The following SCRN3 variants were observed in gnomAD, a reference collection of about 807,000 sequenced individuals.
SCRN3 encodes the protein secernin-3.
SCRN3 carries 39 observed loss-of-function variants against 43.1 expected under a neutral mutation model. The ratio of observed to expected loss-of-function variants is 0.91; its 90% CI spans 0.70 to 1.18. The LOEUF is 1.18. Among genes scored for constraint, SCRN3 ranks in the 50% most tolerant of loss-of-function variants. The pLI, the probability that SCRN3 is intolerant of heterozygous loss-of-function variation, is 0.00. For synonymous variants in SCRN3, 147 were observed against 163.1 expected, an observed-to-expected ratio of 0.90 and a Z score of 0.75; for missense variants, 484 against 498.0, an observed-to-expected ratio of 0.97 and a Z score of 0.27.
chr2:174,419,608 T>G lies in SCRN3; in HGVS notation c.755-3277T>G, dbSNP rs555391673. 4.1e-4 allele frequency among the ~76,000 whole-genome samples: 59 copies of G among 144,340 alleles called. 1 individual carries two copies. Among genetic ancestry groups the G allele is most frequent in the Non-Finnish European group, 8.1e-4 (51 of 63,342 alleles). The allele number at this position is 144,340 out of a possible 152,430, so 94.7% of individuals were successfully genotyped here. On this transcript the variant is annotated intron_variant, in intron 5 of 7. Coordinates refer to ENST00000272732, the MANE Select transcript of SCRN3 (RefSeq NM_024583.5). ...GTTGCCCAGGCTGGTCTCAAACTCC[T>G]GGGCTCACAGTATCAAGTGATACTC... is the stretch of plus-strand genomic sequence containing the variant.
chr2:174,404,079 T>C, intron 4 of SCRN3, 24 bp from the exon 5 acceptor site: 1 of 1,568,364 alleles, frequency 6.4e-7, no homozygotes, highest in Non-Finnish European at 8.8e-7. Context: ...TCTTCTCCTT[T>C]CTCCTCTTCT....
intron 7 of SCRN3, among the ~76,000 whole-genome samples, chr2:174,425,581 T>C (rs993166148): frequency 1.3e-5 from 2 of 152,228 alleles, no homozygotes; most frequent in African/African-American, 4.8e-5. Flanking sequence ...GCATTGTTTC[T>C]ATGCCTTTTT....
chr2:174,405,432 C>CT (rs1310689803), intron 5 of SCRN3, among the ~76,000 whole-genome samples: 69 of 102,458 alleles, frequency 6.7e-4, no homozygotes, highest in African/African-American at 2.4e-3. Context: ...ATGGTAGTTT[C>CT]TTTTGCTGTG....
rs1003740943 is a variant in SCRN3 at position 174,405,558 on chromosome 2, C to T, written c.754+1243C>T. The stretch of plus-strand genomic sequence containing the variant: ...ATGCCTATGTCCTGAATGGTAATGC[C>T]TAGGTTTTCTTCTAGGGTTTTTATG... On this transcript the variant is annotated intron_variant, in intron 5 of 7. Transcript: ENST00000272732. 9.5e-5 allele frequency among the ~76,000 whole-genome samples: 13 copies of T among 137,366 alleles called. 2 individuals are homozygous for T. Among genetic ancestry groups the T allele is most frequent in the Admixed American group, 2.9e-4 (4 of 13,566 alleles). 90.1% of individuals were successfully genotyped at this position (137,366 alleles called of 152,430 possible).
chr2:174,413,586 C>CTTTTTTTTTTTTTTTTTTTTTTTTTTTTT (rs10524979), intron 5 of SCRN3, among the ~76,000 whole-genome samples: 1 of 90,226 alleles, frequency 1.1e-5, no homozygotes, highest in Non-Finnish European at 2.2e-5. Flanking sequence ...TTTGTCTTTC[C>CTTTTTTTTTTTTTTTTTTTTTTTTTTTTT]TTTTTTTTTT....
intron 5 of SCRN3, among the ~76,000 whole-genome samples, chr2:174,421,649 C>T (rs1686298017): frequency 6.6e-6 from 1 of 152,202 alleles, no homozygotes; most frequent in Non-Finnish European, 1.5e-5. Context: ...ACTTCTCTTC[C>T]TTCTCTACTA....
intron 6 of SCRN3, 61 bp downstream of exon 6, chr2:174,423,108 A>G (rs111549211): frequency 1.5e-6 from 2 of 1,354,274 alleles, no homozygotes; most frequent in Non-Finnish European, 1.0e-6. Context: ...AGTCATTAGT[A>G]TGTTAATAAT....
chr2:174,419,257 T>TA (rs762969558), intron 5 of SCRN3, among the ~76,000 whole-genome samples: 1 of 152,226 alleles, frequency 6.6e-6, no homozygotes, highest in Admixed American at 6.5e-5. Flanking sequence ...AGGAAGGAGA[T>TA]ACCTGTGTTT....
intron 5 of SCRN3, 30 bp from the exon 6 acceptor site, chr2:174,422,855 A>G: frequency 6.7e-7 from 1 of 1,481,920 alleles, no homozygotes; most frequent in Non-Finnish European, 9.4e-7. Flanking sequence ...ATGCATATGT[A>G]TTTGATGATT....
rs67646903 is a variant in SCRN3, at chr2:174,423,777, C to CTTT, written c.918-674_918-672dup. The stretch of plus-strand genomic sequence containing the variant: ...AGCCACCGCACCCGGCCAAGTCTTC[C>CTTT]TTTTTTTTTTTTTTTTTTTTTTTTT... On this transcript the variant is annotated intron_variant, in intron 6 of 7. Transcript: ENST00000272732. Among the ~76,000 whole-genome samples, 63 of 95,844 alleles carry CTTT rather than the reference C, an allele frequency of 6.6e-4. 5 individuals carry two copies. Among genetic ancestry groups the CTTT allele is most frequent in the African/African-American group, 2.8e-3 (55 of 19,612 alleles). 62.9% of individuals were successfully genotyped at this position (95,844 alleles called of 152,430 possible).
At chr2:174,406,140 G>A (rs1408460275) in intron 5 of SCRN3, among the ~76,000 whole-genome samples, 2 of 137,552 alleles carry the variant, frequency 1.5e-5, no homozygotes, top group Non-Finnish European at 3.3e-5. Flanking sequence ...TCTTTGAGCA[G>A]TGGTTTGTAG....
rs1475642079 is a variant in SCRN3 at position 174,404,282 on chromosome 2, T to G, written c.721T>G (p.Cys241Gly). 1 of 1,613,672 alleles carries G rather than the reference T, an allele frequency of 6.2e-7. No homozygotes were observed. Among genetic ancestry groups the G allele is most frequent in the Non-Finnish European group, 8.5e-7 (1 of 1,179,654 alleles). ...GATGATGACTTCATCAGGCAGATAC[T>G]GTGAGGGCTACAAGCTTCTAAATAA... ...AKMMTSSGRY[C>G]EGYKLLNKHK... The change falls in exon 5 of 8, where the codon TGT becomes GGT. Residue 241 changes from cysteine to glycine, a missense_variant. By Grantham distance (159) the Cys-to-Gly change is radical (BLOSUM62 -3). Transcript: ENST00000272732.
chr2:174,408,714 A>G (rs1360426465), intron 5 of SCRN3, among the ~76,000 whole-genome samples: 1 of 138,156 alleles, frequency 7.2e-6, no homozygotes, highest in Non-Finnish European at 1.6e-5. Flanking sequence ...TCCTTCACTT[A>G]TGAAGCTTAG....
Position 174,426,646 on chromosome 2 carries a change from C to A in SCRN3, c.1093-1067C>A, listed in dbSNP as rs113279277. 9.0e-3 allele frequency among the ~76,000 whole-genome samples: 1,368 copies of A among 151,892 alleles called. 6 individuals are homozygous for A. Among genetic ancestry groups the A allele is most frequent in the Middle Eastern group, 0.014 (4 of 294 alleles). ...AATTAGCCAGGCTTGGTGGCGGGTG[C>A]CTGTAATACCAACTACTCGGGAGGC... On this transcript the variant is annotated intron_variant, in intron 7 of 7. Transcript: ENST00000272732.
In SCRN3 at chr2:174,405,682, C is replaced by T. The variant is rs1574651220; in HGVS notation, c.754+1367C>T. On this transcript the variant is annotated intron_variant, in intron 5 of 7. Coordinates refer to ENST00000272732, the MANE Select transcript of SCRN3 (RefSeq NM_024583.5). ...GTTTCAGCTTCCTACATATGGCTAG[C>T]CAGTTTTCCCAGCACCATTTATTAA... 4.8e-5 allele frequency among the ~76,000 whole-genome samples: 7 copies of T among 147,138 alleles called. No individual in the cohort carries two copies. In the South Asian group the frequency reaches 1.5e-3, roughly 31 times the overall value.
chr2:174,398,141 T>TA lies in SCRN3; in HGVS notation c.-9-127dup, dbSNP rs142238118. 1,323 of 556,560 alleles carry TA rather than the reference T, an allele frequency of 2.4e-3. 15 individuals are homozygous for TA. The African/African-American group carries it at 0.025, about 10-fold the overall frequency. The allele number at this position is 556,560 out of a possible 1,614,324, so 34.5% of individuals were successfully genotyped here. A position where few individuals can be genotyped will look rare whatever the true frequency, so the allele number is the denominator to read the frequency against. On this transcript the variant is annotated intron_variant, in intron 1 of 7. Transcript: ENST00000272732. Reference sequence around the variant, plus strand: ...AGACCTTGTCTCCAAAAAATAAAAATAAAAAAATCAAAGCTTTAATGAACA... The same window carrying TA: ...AGACCTTGTCTCCAAAAAATAAAAATAAAAAAAATCAAAGCTTTAATGAACA...
chr2:174,411,994 GT>G (rs1266515839), intron 5 of SCRN3, among the ~76,000 whole-genome samples: 6 of 152,030 alleles, frequency 3.9e-5, no homozygotes, highest in African/African-American at 1.4e-4. Flanking sequence ...GCTGGTTCTC[GT>G]TGCGGGTAAG....
chr2:174,417,465 C>G (rs900490748), intron 5 of SCRN3, among the ~76,000 whole-genome samples: 3 of 152,128 alleles, frequency 2.0e-5, no homozygotes, highest in African/African-American at 7.2e-5. Context: ...ATGATCTCAG[C>G]TCACTGCAAC....
intron 4 of SCRN3, among the ~76,000 whole-genome samples, chr2:174,402,451 G>T (rs1233376240): frequency 2.6e-5 from 4 of 152,326 alleles, no homozygotes; most frequent in East Asian, 3.9e-4. Flanking sequence ...ACTTTGAGAG[G>T]CTGAGGCAGG....
Sources: allele counts gnomAD v4.1 joint callset (sites outside exome capture counted in the v4.1 genomes callset), GRCh38; gene constraint gnomAD v4.1.1; transcripts MANE v1.5; gene names NCBI Gene and HGNC (gene_info 2026-07-23, HGNC 2026-07-21).